CTCF: variants seen among roughly 807,000 people sequenced by gnomAD.
CTCF encodes the protein CCCTC-binding factor, also known as transcriptional repressor CTCF.
CTCF carries 7 observed loss-of-function variants against 72.3 expected under a neutral mutation model. The ratio of observed to expected loss-of-function variants is 0.10; its 90% confidence interval spans 0.06 to 0.18. CTCF has a LOEUF of 0.18. CTCF is among the 10% of genes least tolerant of loss of function. The probability of loss-of-function intolerance (pLI) is 1.00; values close to 1 mark genes in which losing one functional copy is unlikely to be tolerated. For missense variants in CTCF, 516 were observed against 949.1 expected (o/e 0.54, Z 6.00); for synonymous variants, 374 against 315.8 (o/e 1.18, Z -1.95).
intron 1 of CTCF, among the ~76,000 whole-genome samples, chr16:67,569,768 C>G (rs889308263): frequency 2.0e-5 from 3 of 151,560 alleles, no homozygotes; most frequent in Non-Finnish European, 4.4e-5. Flanking sequence ...TCATTCCAAC[C>G]TCCGGCTCCT....
chr16:67,602,969 G>C (rs2142795915), intron 2 of CTCF, among the ~76,000 whole-genome samples: 1 of 152,216 alleles, frequency 6.6e-6, no homozygotes, highest in African/African-American at 2.4e-5. Context: ...TAAGAAGCCA[G>C]TGCTGCTGGT....
At chr16:67,625,161 C>G (rs563675751) in intron 7 of CTCF, among the ~76,000 whole-genome samples, 1 of 152,158 alleles carries the variant, frequency 6.6e-6, no homozygotes, top group South Asian at 2.1e-4. Context: ...CTCCTGACCT[C>G]AGGTGATCCA....
intron 2 of CTCF, among the ~76,000 whole-genome samples, chr16:67,600,849 TA>T (rs1272457781): frequency 4.6e-5 from 7 of 152,178 alleles, no homozygotes; most frequent in South Asian, 2.1e-4. Context: ...ATGTGTCCTG[TA>T]AGTAAATTAA....
chr16:67,604,128 CAAA>C (rs762004795), intron 2 of CTCF, among the ~76,000 whole-genome samples: 12 of 57,536 alleles, frequency 2.1e-4, no homozygotes, highest in Non-Finnish European at 2.9e-4. Flanking sequence ...AACCCCGTCT[CAAA>C]AAAAAAAAAA....
chr16:67,605,246 T>G lies in CTCF; in HGVS notation c.-9-5578T>G, dbSNP rs142656210. On this transcript the variant is annotated intron_variant, in intron 2 of 11. Transcript: ENST00000264010. ...CCTTCGCCTCCCAAAGTGCTGGGAT[T>G]ACAGGCGTGAGCCACCACGCTTGGC... Among the ~76,000 whole-genome samples the G allele has an allele frequency of 5.3e-3, 814 of 152,334 alleles. 1 individual carries two copies. The highest frequency in any genetic ancestry group is 9.9e-3 in the Non-Finnish European group (670 of 68,020).
intron 2 of CTCF, among the ~76,000 whole-genome samples, chr16:67,580,849 C>T (rs1371593880): frequency 6.6e-6 from 1 of 150,564 alleles, no homozygotes; most frequent in Admixed American, 6.6e-5. Context: ...CTCCTGACCT[C>T]AGGTGATCCA....
intron 1 of CTCF, chr16:67,567,767 T>C (rs1360004812): frequency 5.3e-5 from 8 of 151,766 alleles, no homozygotes; most frequent in Admixed American, 1.3e-4. Flanking sequence ...ATTCTTTTAT[T>C]TTTTTGTAGA....
chr16:67,584,279 G>A (rs2051630404), intron 2 of CTCF, among the ~76,000 whole-genome samples: 1 of 149,430 alleles, frequency 6.7e-6, no homozygotes, highest in Admixed American at 6.7e-5. Flanking sequence ...CTGAGATGGT[G>A]CCATTGCGCT....
rs1567621057 is a variant in CTCF at position 67,638,318 on chromosome 16, C to A, written c.*446C>A. 4.3e-6 allele frequency: 1 copy of A among 230,118 alleles called. No homozygotes were observed. The highest frequency in any genetic ancestry group is 5.6e-5 in the Admixed American group (1 of 17,978). 14.3% of individuals were successfully genotyped at this position (230,118 alleles called of 1,614,324 possible). A position where few individuals can be genotyped will look rare whatever the true frequency, so the allele number is the denominator to read the frequency against. On this transcript the variant is annotated 3_prime_UTR_variant, in exon 12 of 12. Transcript: ENST00000264010. ...TTTGCTTTTGCTTTTCCCTGACTCC[C>A]TTTGCTTGGAGTCAGCTGCACACCA... is the stretch of plus-strand genomic sequence containing the variant.
At chr16:67,602,004 T>C (rs2051898611) in intron 2 of CTCF, among the ~76,000 whole-genome samples, 2 of 151,764 alleles carry the variant, frequency 1.3e-5, no homozygotes, top group South Asian at 2.1e-4. Context: ...GCTGGGACTA[T>C]AGGCACCTGC....
chr16:67,613,699 G>A (rs2052090337), intron 4 of CTCF, among the ~76,000 whole-genome samples: 1 of 151,866 alleles, frequency 6.6e-6, no homozygotes, highest in Admixed American at 6.6e-5. Context: ...TCACTTGAAT[G>A]CGGGAGACAG....
intron 4 of CTCF, chr16:67,615,700 A>G (rs1483056287): frequency 2.0e-5 from 3 of 152,172 alleles, no homozygotes; most frequent in Admixed American, 6.5e-5. Context: ...CAGACTATAC[A>G]CTTTCACAGG....
chr16:67,618,290 G>A (rs13380486), intron 5 of CTCF, among the ~76,000 whole-genome samples: 2,512 of 152,070 alleles, frequency 0.017, 72 homozygotes, highest in African/African-American at 0.055. Context: ...TAGTCTCAGC[G>A]ACTCGGGAGC....
At chr16:67,586,483 C>G (rs1025721876) in intron 2 of CTCF, among the ~76,000 whole-genome samples, 5 of 149,876 alleles carry the variant, frequency 3.3e-5, no homozygotes, top group African/African-American at 9.8e-5. Flanking sequence ...TTGCAGTGAG[C>G]CGAGATCGCG....
intron 2 of CTCF, among the ~76,000 whole-genome samples, chr16:67,575,547 C>T (rs894287901): frequency 3.3e-5 from 5 of 151,998 alleles, no homozygotes; most frequent in East Asian, 1.9e-4. Context: ...CGGGTTCAAC[C>T]GATTCTCCTG....
chr16:67,612,791 G>C (rs2142830894), intron 4 of CTCF, among the ~76,000 whole-genome samples: 1 of 152,132 alleles, frequency 6.6e-6, no homozygotes, highest in African/African-American at 2.4e-5. Context: ...ACATAAATTA[G>C]CCAGGTGTGG....
chr16:67,566,992 C>T (rs1047147581), intron 1 of CTCF, among the ~76,000 whole-genome samples: 48 of 152,272 alleles, frequency 3.2e-4, no homozygotes, highest in African/African-American at 1.1e-3. Context: ...CCTGCCACCT[C>T]AGCCTCCTGG....
At chr16:67,621,301 G>A (rs370512767) in intron 6 of CTCF, 141 bp from the exon 7 acceptor site, 10 of 612,762 alleles carry the variant, frequency 1.6e-5, no homozygotes, top group Admixed American at 2.7e-5. Flanking sequence ...GACAAGATCC[G>A]GGAACTGGGA....
intron 10 of CTCF, among the ~76,000 whole-genome samples, chr16:67,635,188 AT>A (rs1245248416): frequency 6.6e-6 from 1 of 150,434 alleles, no homozygotes; most frequent in Non-Finnish European, 1.5e-5. Context: ...CACCCGGCTA[AT>A]TTTTTGTATT....
Sources: allele counts gnomAD v4.1 joint callset (sites outside exome capture counted in the v4.1 genomes callset), GRCh38; gene constraint gnomAD v4.1.1; transcripts MANE v1.5; gene names NCBI Gene and HGNC (gene_info 2026-07-23, HGNC 2026-07-21).